ABAT: variants seen among roughly 807,000 people sequenced by gnomAD.
The protein encoded by ABAT is 4-aminobutyrate aminotransferase.
ABAT carries 45 observed loss-of-function variants against 64.6 expected under a neutral mutation model. That is an observed-to-expected ratio of 0.70 (90% CI 0.55 to 0.89). ABAT has a LOEUF of 0.89. Among genes scored for constraint, ABAT ranks in the 40% least tolerant of loss-of-function variants. The pLI, the probability that ABAT is intolerant of heterozygous loss-of-function variation, is 0.00. For missense variants in ABAT, 633 were observed against 658.4 expected, an observed-to-expected ratio of 0.96 and a Z score of 0.42; for synonymous variants, 297 against 250.5, an observed-to-expected ratio of 1.19 and a Z score of -1.75.
intron 2 of ABAT, among the ~76,000 whole-genome samples, chr16:8,744,714 T>C (rs1333233898): frequency 6.6e-6 from 1 of 151,524 alleles, no homozygotes; most frequent in Non-Finnish European, 1.5e-5. Flanking sequence ...CTAAAAATAC[T>C]AAAATTAGCC....
intron 6 of ABAT, among the ~76,000 whole-genome samples, chr16:8,762,913 C>A (rs2059837712): frequency 6.6e-6 from 1 of 152,010 alleles, no homozygotes; most frequent in Non-Finnish European, 1.5e-5. Context: ...TCAAGACCAG[C>A]CTGGGCAACA....
chr16:8,706,411 A>AC (rs1379680536), intron 1 of ABAT, among the ~76,000 whole-genome samples: 1 of 147,298 alleles, frequency 6.8e-6, no homozygotes, highest in African/African-American at 2.5e-5. Flanking sequence ...TTTCAAAAAA[A>AC]AAAAAAAAAA....
At chr16:8,694,931 C>G (rs577457369) in intron 1 of ABAT, among the ~76,000 whole-genome samples, 1 of 152,310 alleles carries the variant, frequency 6.6e-6, no homozygotes, top group African/African-American at 2.4e-5. Context: ...ACTCTGTGCT[C>G]CCGCCTACAC....
rs866785817 is a variant in ABAT, at chr16:8,764,254, C to T, written c.447+105C>T. ...AAGAATAAGGTGTTGCTACAGAAAT[C>T]TTTCTCTCTGAGCTTATTCTTCCAT... On this transcript the variant is annotated intron_variant, in intron 7 of 15. Transcript: ENST00000268251. The surrounding 1 kb of genome is among the most constrained non-coding windows in gnomAD (Gnocchi z 4.2). 5.7e-5 allele frequency: 57 copies of T among 1,003,188 alleles called. No individual in the cohort carries two copies. The African/African-American group carries it at 7.1e-4, about 13-fold the overall frequency. The allele number at this position is 1,003,188 out of a possible 1,614,324, so 62.1% of individuals were successfully genotyped here. A position where few individuals can be genotyped will look rare whatever the true frequency, so the allele number is the denominator to read the frequency against.
At chr16:8,713,601 G>A (rs1161464826) in intron 1 of ABAT, 4 of 292,494 alleles carry the variant, frequency 1.4e-5, no homozygotes, top group Middle Eastern at 1.3e-3. Flanking sequence ...TCTCCCTTGC[G>A]CACTTGCCGG....
intron 1 of ABAT, among the ~76,000 whole-genome samples, chr16:8,728,313 G>A (rs567695479): frequency 6.6e-6 from 1 of 152,324 alleles, no homozygotes; most frequent in South Asian, 2.1e-4. Context: ...ATTTTCCAAT[G>A]TGACATTTTG....
At chr16:8,724,746 CAAAAAAAAAAAAAAA>C (rs869130725) in intron 1 of ABAT, among the ~76,000 whole-genome samples, 6 of 6,568 alleles carry the variant, frequency 9.1e-4, no homozygotes, top group Non-Finnish European at 2.3e-3. Flanking sequence ...AAAAAAAAAA[CAAAAAAAAAAAAAAA>C]AAAAAAAACA....
chr16:8,768,195 C>T lies in ABAT; in HGVS notation c.606C>T (p.Ala202=), dbSNP rs1555492234. The stretch of plus-strand genomic sequence containing the variant: ...TGACTGATATTTCTTGGTTTTAGGC[C>T]CCTGGCTGCCCCGACTACAGCATCC... The part of the protein sequence containing the change: ...EELETCMINQ[A]PGCPDYSILS... The change falls in exon 10 of 16, where the codon GCC becomes GCT. Residue 202 remains alanine (A), a splice_region_variant and synonymous_variant. Coordinates refer to ENST00000268251, the MANE Select transcript of ABAT (RefSeq NM_020686.6). The T allele has an allele frequency of 6.2e-7, 1 of 1,614,030 alleles. No homozygotes were observed. Among genetic ancestry groups the T allele is most frequent in the Non-Finnish European group, 8.5e-7 (1 of 1,180,002 alleles).
At chr16:8,751,790 C>T (rs971379475) in intron 5 of ABAT, among the ~76,000 whole-genome samples, 4 of 152,144 alleles carry the variant, frequency 2.6e-5, no homozygotes, top group African/African-American at 9.6e-5. Context: ...GTGGGATGCC[C>T]ACAGCGTCTG....
chr16:8,726,963 G>GCT (rs1567288411), intron 1 of ABAT, among the ~76,000 whole-genome samples: 8 of 152,210 alleles, frequency 5.3e-5, no homozygotes, highest in African/African-American at 1.4e-4. Flanking sequence ...ACCTTTTCAT[G>GCT]TGCTTGCTTG....
intron 2 of ABAT, among the ~76,000 whole-genome samples, chr16:8,738,213 G>A (rs2059040009): frequency 6.6e-6 from 1 of 151,698 alleles, no homozygotes; most frequent in Non-Finnish European, 1.5e-5. Context: ...CTCAGCTACT[G>A]GGGAGGCTGA....
At chr16:8,726,478 C>T (rs1464714685) in intron 1 of ABAT, among the ~76,000 whole-genome samples, 2 of 152,062 alleles carry the variant, frequency 1.3e-5, no homozygotes, top group Non-Finnish European at 1.5e-5. Context: ...AGGCTGGCCT[C>T]ATGGGATCCA....
chr16:8,741,337 T>C (rs1390184882), intron 2 of ABAT, among the ~76,000 whole-genome samples: 1 of 152,252 alleles, frequency 6.6e-6, no homozygotes, highest in Non-Finnish European at 1.5e-5. Context: ...TAGCACTCGA[T>C]GAAATCAAAG....
At chr16:8,772,348 T>C (rs1345164478) in intron 11 of ABAT, among the ~76,000 whole-genome samples, 1 of 151,842 alleles carries the variant, frequency 6.6e-6, no homozygotes, top group Non-Finnish European at 1.5e-5. Flanking sequence ...GTGATGTAGC[T>C]ATTTCCCACA....
At position 8,700,156 on chromosome 16, in the gene ABAT, AC is replaced by A. The variant is rs569515819; in HGVS notation, c.-42+25446del. 3.0e-3 allele frequency among the ~76,000 whole-genome samples: 457 copies of A among 152,178 alleles called. 4 individuals are homozygous for A. The highest frequency in any genetic ancestry group is 0.01 in the African/African-American group (432 of 41,516). On this transcript the variant is annotated intron_variant, in intron 1 of 15. Coordinates refer to ENST00000268251, the MANE Select transcript of ABAT (RefSeq NM_020686.6). ...AGTTCTTGATGCTTGTCCTGAACGC[AC>A]ACTGTGCTGGGTGTAGGATACAGAC...
chr16:8,781,308 G>C lies in ABAT; in HGVS notation c.1382-1G>C. On this transcript the variant is annotated splice_acceptor_variant, in intron 15 of 15. Coordinates refer to ENST00000268251, the MANE Select transcript of ABAT (RefSeq NM_020686.6). LOFTEE classifies it high-confidence loss of function. This position sits in a 1 kb window ranked among gnomAD's most constrained non-coding sequence, Gnocchi z 4.5. The stretch of plus-strand genomic sequence containing the variant: ...CCTCACCTACCTCCTGCCTCTTTCA[G>C]GTGTGGTGTTGGGTGGCTGTGGTGA... The C allele has an allele frequency of 1.2e-6, 2 of 1,614,088 alleles. No homozygotes were observed. The highest frequency in any genetic ancestry group is 1.7e-6 in the Non-Finnish European group (2 of 1,179,980).
intron 1 of ABAT, among the ~76,000 whole-genome samples, chr16:8,730,668 C>T (rs2058691612): frequency 6.6e-6 from 1 of 152,150 alleles, no homozygotes; most frequent in African/African-American, 2.4e-5. Context: ...GATGGAATTT[C>T]TGTCCACTGT....
At chr16:8,697,695 G>C (rs1017486824) in intron 1 of ABAT, among the ~76,000 whole-genome samples, 3 of 152,052 alleles carry the variant, frequency 2.0e-5, no homozygotes, top group African/African-American at 7.2e-5. Context: ...GAGTACAGTG[G>C]TGTGATTGCA....
chr16:8,691,642 T>C (rs1304881904), intron 1 of ABAT, among the ~76,000 whole-genome samples: 1 of 152,202 alleles, frequency 6.6e-6, no homozygotes, highest in Non-Finnish European at 1.5e-5. Flanking sequence ...GGTTTCGCCA[T>C]GTTGGCCAGG....
Sources: gnomAD v4.1 joint callset for allele counts (sites outside exome capture counted in the v4.1 genomes callset) on GRCh38, gnomAD v4.1.1 for gene constraint, Gnocchi (gnomAD v3.1) non-coding constraint, MANE v1.5 for transcripts, NCBI Gene and HGNC (gene_info 2026-07-23, HGNC 2026-07-21) for gene names.